Variants in EXD1 observed in about 807,000 individuals in gnomAD.
EXD1 encodes the protein exonuclease 3'-5' domain containing 1, also known as piRNA biogenesis protein EXD1.
A neutral mutation model predicts 49.1 loss-of-function variants in EXD1; 63 were observed. The observed-to-expected ratio is 1.28, with a 90% confidence interval of 1.05 to 1.58. EXD1 has a LOEUF of 1.58. Among genes scored for constraint, EXD1 ranks in the 40% most tolerant of loss-of-function variants. The pLI is 0.00. For synonymous variants in EXD1, 234 were observed against 239.2 expected, an observed-to-expected ratio of 0.98 and a Z score of 0.20; for missense variants, 748 against 666.0, an observed-to-expected ratio of 1.12 and a Z score of -1.36.
intron 7 of EXD1, among the ~76,000 whole-genome samples, chr15:41,202,647 TG>T (rs2046750411): frequency 6.6e-6 from 1 of 152,088 alleles, no homozygotes; most frequent in African/African-American, 2.4e-5. Context: ...TTTTGTTTTT[TG>T]TAGAGACGGG....
chr15:41,185,849 G>A lies in EXD1; in HGVS notation c.1057-1256C>T, dbSNP rs1002090370. 3.3e-5 allele frequency among the ~76,000 whole-genome samples: 5 copies of A among 152,100 alleles called. No individual in the cohort carries two copies. In the East Asian group the frequency reaches 7.8e-4, roughly 24 times the overall value. ...GATTATATTTTTTAGCTGCTTGTAT[G>A]GATATCAAAAATCTAGTAATTTTTA... On this transcript the variant is annotated intron_variant, in intron 11 of 11. Coordinates refer to ENST00000458580, the MANE Select transcript of EXD1 (RefSeq NM_001286441.2).
intron 11 of EXD1, among the ~76,000 whole-genome samples, chr15:41,188,994 G>A (rs1444141781): frequency 6.6e-6 from 1 of 151,188 alleles, no homozygotes; most frequent in East Asian, 2.0e-4. Context: ...AGTAGAGATG[G>A]GGTTTCATCA....
intron 7 of EXD1, among the ~76,000 whole-genome samples, chr15:41,208,019 A>G (rs2046860769): frequency 1.3e-5 from 2 of 151,762 alleles, no homozygotes; most frequent in Admixed American, 1.3e-4. Context: ...TCAAAAAAAA[A>G]AAAAAAGAAA....
chr15:41,198,527 C>CA (rs1177377642), intron 7 of EXD1, among the ~76,000 whole-genome samples: 4 of 151,818 alleles, frequency 2.6e-5, no homozygotes, highest in Non-Finnish European at 5.9e-5. Flanking sequence ...CCCATCTGTA[C>CA]AAAAAATTTA....
chr15:41,192,700 A>C (rs2046545356), intron 9 of EXD1, among the ~76,000 whole-genome samples: 1 of 135,666 alleles, frequency 7.4e-6, no homozygotes, highest in East Asian at 2.2e-4. Context: ...CTGCAGCCTC[A>C]ATCTTCCAAG....
intron 2 of EXD1, among the ~76,000 whole-genome samples, chr15:41,221,840 C>G (rs956474588): frequency 6.6e-6 from 1 of 151,972 alleles, no homozygotes; most frequent in African/African-American, 2.4e-5. Context: ...CGGTGGTTCA[C>G]GCCTGTAATT....
chr15:41,218,270 AG>A (rs2047032107), intron 3 of EXD1, among the ~76,000 whole-genome samples: 1 of 152,252 alleles, frequency 6.6e-6, no homozygotes, highest in African/African-American at 2.4e-5. Context: ...GAATCATTTG[AG>A]GTCAGGAGTT....
At chr15:41,216,170 T>G (rs1053281902) in intron 5 of EXD1, among the ~76,000 whole-genome samples, 1 of 152,060 alleles carries the variant, frequency 6.6e-6, no homozygotes, top group Non-Finnish European at 1.5e-5. Context: ...AATAAACAAA[T>G]GAATCACAAT....
chr15:41,229,241 G>A (rs2047201749), intron 1 of EXD1, among the ~76,000 whole-genome samples: 1 of 152,230 alleles, frequency 6.6e-6, no homozygotes, highest in Non-Finnish European at 1.5e-5. Flanking sequence ...ACTTTGGGAG[G>A]CCGAGGCGGG....
At chr15:41,186,468 C>A (rs2046408946) in intron 11 of EXD1, among the ~76,000 whole-genome samples, 2 of 29,500 alleles carry the variant, frequency 6.8e-5, no homozygotes, top group African/African-American at 7.0e-5. Context: ...AAGACTCTGT[C>A]TCAAAAAAAA....
intron 6 of EXD1, among the ~76,000 whole-genome samples, chr15:41,211,439 A>G (rs1363166231): frequency 6.6e-6 from 1 of 150,790 alleles, no homozygotes; most frequent in Admixed American, 6.6e-5. Flanking sequence ...TTTTTTTTTT[A>G]TTGTTGTCAC....
At chr15:41,199,240 C>T (rs1478035693) in intron 7 of EXD1, among the ~76,000 whole-genome samples, 1 of 151,960 alleles carries the variant, frequency 6.6e-6, no homozygotes, top group African/African-American at 2.4e-5. Flanking sequence ...GCATGAGCTA[C>T]CACACCTGGC....
intron 7 of EXD1, among the ~76,000 whole-genome samples, chr15:41,196,632 T>C (rs2046618830): frequency 6.6e-6 from 1 of 151,828 alleles, no homozygotes; most frequent in African/African-American, 2.4e-5. Flanking sequence ...GGTTTCACCA[T>C]ATTGGCCAGG....
chr15:41,226,010 T>C (rs1481504877), intron 2 of EXD1, among the ~76,000 whole-genome samples: 2 of 152,144 alleles, frequency 1.3e-5, no homozygotes, highest in African/African-American at 4.8e-5. Context: ...CGCAGAACTT[T>C]GGGAGGCCAA....
intron 7 of EXD1, among the ~76,000 whole-genome samples, chr15:41,205,879 C>CT (rs1224144639): frequency 0.033 from 4,295 of 128,546 alleles, 109 homozygotes; most frequent in Non-Finnish European, 0.044. Context: ...TAAATTTGGT[C>CT]TTTTTTTTTT....
intron 9 of EXD1, chr15:41,191,939 G>T: frequency 5.4e-6 from 1 of 185,542 alleles, no homozygotes. Context: ...ACCACGCCTG[G>T]CTAATTTTCA....
intron 1 of EXD1, among the ~76,000 whole-genome samples, chr15:41,229,784 C>CA (rs932022107): frequency 1.3e-5 from 2 of 152,006 alleles, no homozygotes; most frequent in Non-Finnish European, 2.9e-5. Flanking sequence ...ACAACAACAA[C>CA]AACAAACAAA....
intron 9 of EXD1, among the ~76,000 whole-genome samples, chr15:41,192,542 G>A (rs1049647642): frequency 2.8e-5 from 4 of 144,456 alleles, no homozygotes; most frequent in Non-Finnish European, 4.5e-5. Flanking sequence ...TGATCCGCCC[G>A]CCTTGGGCTC....
chr15:41,218,363 T>G (rs1488255091), intron 3 of EXD1, among the ~76,000 whole-genome samples: 2 of 151,766 alleles, frequency 1.3e-5, no homozygotes, highest in Non-Finnish European at 2.9e-5. Flanking sequence ...GGCACACACC[T>G]GTAATCCCAG....
Sources: allele counts gnomAD v4.1 joint callset (sites outside exome capture counted in the v4.1 genomes callset), GRCh38; gene constraint gnomAD v4.1.1; transcripts MANE v1.5; gene names NCBI Gene and HGNC (gene_info 2026-07-23, HGNC 2026-07-21).